The following RAB6B variants were observed in gnomAD, a reference collection of about 807,000 sequenced individuals.
RAB6B encodes the protein RAB6B, member RAS oncogene family, also known as ras-related protein Rab-6B.
Under a neutral mutation model 31.2 loss-of-function variants are expected in RAB6B, and 7 were observed. The observed-to-expected ratio is 0.22, with a 90% CI of 0.13 to 0.42. The LOEUF is 0.42. RAB6B is among the 10% of genes least tolerant of loss of function. The probability of loss-of-function intolerance (pLI) is 1.00; values close to 1 mark genes in which losing one functional copy is unlikely to be tolerated. For missense variants in RAB6B, 149 were observed against 280.6 expected, an observed-to-expected ratio of 0.53 and a Z score of 3.35; for synonymous variants, 105 against 104.9, an observed-to-expected ratio of 1.00 and a Z score of -0.01.
chr3:133,877,108 A>T (rs1458909597), intron 1 of RAB6B, among the ~76,000 whole-genome samples: 1 of 152,334 alleles, frequency 6.6e-6, no homozygotes, highest in East Asian at 1.9e-4. Context: ...AGAAAATTCC[A>T]GGCCACAGCA....
chr3:133,856,961 T>C (rs1377504686), intron 2 of RAB6B, among the ~76,000 whole-genome samples: 2 of 152,184 alleles, frequency 1.3e-5, no homozygotes, highest in Admixed American at 1.3e-4. Context: ...AAAAATATCC[T>C]CATGTTGCTA....
chr3:133,880,183 G>C (rs1428306568), intron 1 of RAB6B, among the ~76,000 whole-genome samples: 1 of 152,226 alleles, frequency 6.6e-6, no homozygotes, highest in African/African-American at 2.4e-5. Flanking sequence ...ACTGACAGAA[G>C]TCTTGGCCCA....
At chr3:133,875,983 A>G (rs1456738739) in intron 1 of RAB6B, among the ~76,000 whole-genome samples, 6 of 152,220 alleles carry the variant, frequency 3.9e-5, no homozygotes, top group African/African-American at 1.2e-4. Context: ...ACTCATGAAA[A>G]TAAGATTTGA....
intron 1 of RAB6B, among the ~76,000 whole-genome samples, chr3:133,872,199 T>A (rs1162645999): frequency 6.6e-6 from 1 of 152,230 alleles, no homozygotes; most frequent in African/African-American, 2.4e-5. Context: ...TGCTTCCTCA[T>A]TGTGCAGACC....
intron 4 of RAB6B, among the ~76,000 whole-genome samples, chr3:133,840,619 C>T (rs974413366): frequency 3.3e-5 from 5 of 152,188 alleles, no homozygotes; most frequent in South Asian, 2.1e-4. Flanking sequence ...CTAGGGCATT[C>T]GCCCACTTCA....
intron 2 of RAB6B, among the ~76,000 whole-genome samples, chr3:133,846,898 T>C (rs1471450202): frequency 6.6e-6 from 1 of 152,210 alleles, no homozygotes; most frequent in African/African-American, 2.4e-5. Flanking sequence ...ATAAACATTT[T>C]CACATAAGGG....
At chr3:133,842,763 A>C (rs1268413215) in intron 2 of RAB6B, among the ~76,000 whole-genome samples, 1 of 152,262 alleles carries the variant, frequency 6.6e-6, no homozygotes, top group African/African-American at 2.4e-5. Context: ...ACATGTTAAT[A>C]GCATCACGGT....
chr3:133,862,856 C>T (rs967260986), intron 2 of RAB6B, among the ~76,000 whole-genome samples: 1 of 152,164 alleles, frequency 6.6e-6, no homozygotes, highest in Non-Finnish European at 1.5e-5. Flanking sequence ...AACCAAGAGT[C>T]TCACTGTTTT....
At chr3:133,892,487 G>A (rs943202192) in intron 1 of RAB6B, among the ~76,000 whole-genome samples, 15 of 152,096 alleles carry the variant, frequency 9.9e-5, no homozygotes, top group African/African-American at 2.9e-4. Flanking sequence ...GTCCACCTGC[G>A]ATTATCTGGC....
chr3:133,877,002 T>C (rs1394781982), intron 1 of RAB6B, among the ~76,000 whole-genome samples: 1 of 152,044 alleles, frequency 6.6e-6, no homozygotes, highest in East Asian at 1.9e-4. Context: ...AGACAAGATA[T>C]ATGAAACAAC....
intron 2 of RAB6B, among the ~76,000 whole-genome samples, chr3:133,849,262 C>T (rs1422139217): frequency 6.6e-6 from 1 of 152,162 alleles, no homozygotes; most frequent in African/African-American, 2.4e-5. Flanking sequence ...CTCCCACTGG[C>T]CAGTGATTCA....
chr3:133,852,684 G>A (rs1936004875), intron 2 of RAB6B, among the ~76,000 whole-genome samples: 1 of 151,892 alleles, frequency 6.6e-6, no homozygotes, highest in South Asian at 2.1e-4. Context: ...TCACCATGTT[G>A]CCCAGGCTGG....
chr3:133,850,782 TAC>T (rs1436160752), intron 2 of RAB6B, among the ~76,000 whole-genome samples: 3 of 151,974 alleles, frequency 2.0e-5, no homozygotes, highest in Non-Finnish European at 2.9e-5. Flanking sequence ...GAGACACATT[TAC>T]AGATTCAAAA....
At chr3:133,892,423 CT>C (rs1171538158) in intron 1 of RAB6B, among the ~76,000 whole-genome samples, 1 of 152,152 alleles carries the variant, frequency 6.6e-6, no homozygotes, top group African/African-American at 2.4e-5. Context: ...TCCAGAGTGG[CT>C]TCTCAAGGGC....
Position 133,825,687 on chromosome 3 carries a change from C to T in RAB6B, c.*3101G>A, listed in dbSNP as rs2107981299. Reference sequence around the variant, plus strand: ...GGCTGTTTGCTTTTTCCATCTTACACTCAACTTTCCTGATGCCTGCAGAAC... The same window carrying T: ...GGCTGTTTGCTTTTTCCATCTTACATTCAACTTTCCTGATGCCTGCAGAAC... On this transcript the variant is annotated 3_prime_UTR_variant, in exon 8 of 8. Coordinates refer to ENST00000285208, the MANE Select transcript of RAB6B (RefSeq NM_016577.4). The T allele has an allele frequency of 6.6e-6, 1 of 152,326 alleles. No individual in the cohort carries two copies. The highest frequency in any genetic ancestry group is 3.4e-3 in the Middle Eastern group (1 of 296). The allele number at this position is 152,326 out of a possible 1,614,324, so 9.4% of individuals were successfully genotyped here.
At chr3:133,848,158 T>C (rs1282613310) in intron 2 of RAB6B, among the ~76,000 whole-genome samples, 1 of 152,222 alleles carries the variant, frequency 6.6e-6, no homozygotes, top group Non-Finnish European at 1.5e-5. Context: ...CAAACCTGCT[T>C]CTGCTATTTT....
chr3:133,860,789 G>A (rs1284791793), intron 2 of RAB6B, among the ~76,000 whole-genome samples: 1 of 152,202 alleles, frequency 6.6e-6, no homozygotes, highest in African/African-American at 2.4e-5. Flanking sequence ...GCTCTGGCAG[G>A]CCAGGGACCT....
chr3:133,870,485 G>A (rs769184623), intron 1 of RAB6B, among the ~76,000 whole-genome samples: 10 of 152,192 alleles, frequency 6.6e-5, no homozygotes, highest in Non-Finnish European at 1.5e-4. Flanking sequence ...CAATGCAGAG[G>A]TGGTGGGGCT....
At chr3:133,864,767 T>C (rs1936212837) in intron 1 of RAB6B, 125 bp from the exon 2 acceptor site, 8 of 936,720 alleles carry the variant, frequency 8.5e-6, no homozygotes, top group Admixed American at 3.8e-5. Flanking sequence ...GTTGCAGAAA[T>C]ACAGAAGTGG....
Sources: allele counts gnomAD v4.1 joint callset (sites outside exome capture counted in the v4.1 genomes callset), GRCh38; gene constraint gnomAD v4.1.1; transcripts MANE v1.5; gene names NCBI Gene and HGNC (gene_info 2026-07-23, HGNC 2026-07-21).